ITPR1: variants seen among roughly 807,000 people sequenced by gnomAD.
ITPR1 encodes the protein inositol 1,4,5-trisphosphate receptor type 1, also known as inositol 1,4,5-trisphosphate-gated calcium channel ITPR1.
ITPR1 carries 96 observed loss-of-function variants against 318.4 expected under a neutral mutation model. The observed-to-expected ratio is 0.30, with a 90% CI of 0.26 to 0.36. ITPR1 has a LOEUF of 0.36. Ranked by LOEUF, ITPR1 falls within the 10% of genes least tolerant of loss-of-function variation. The pLI is 1.00. For missense variants in ITPR1, 2,440 were observed against 3,460.2 expected, an observed-to-expected ratio of 0.71 and a Z score of 7.40; for synonymous variants, 1,312 against 1,289.9, an observed-to-expected ratio of 1.02 and a Z score of -0.37.
At chr3:4,533,590 G>A (rs1326856968) in intron 4 of ITPR1, among the ~76,000 whole-genome samples, 1 of 152,224 alleles carries the variant, frequency 6.6e-6, no homozygotes, top group Admixed American at 6.5e-5. Context: ...ACATCTCTTA[G>A]GAAGCTCAAA....
At chr3:4,571,337 C>G (rs2087962830) in intron 4 of ITPR1, among the ~76,000 whole-genome samples, 2 of 151,928 alleles carry the variant, frequency 1.3e-5, no homozygotes, top group Admixed American at 6.6e-5. Flanking sequence ...CTCTTCTCTT[C>G]CCTTTTTTTC....
At chr3:4,740,133 T>A (rs1408019780) in intron 44 of ITPR1, among the ~76,000 whole-genome samples, 1 of 152,032 alleles carries the variant, frequency 6.6e-6, no homozygotes, top group East Asian at 1.9e-4. Context: ...GGAGGGTACA[T>A]GTATAAAAAG....
intron 18 of ITPR1, among the ~76,000 whole-genome samples, chr3:4,668,260 CT>C (rs2093994307): frequency 6.6e-6 from 1 of 150,470 alleles, no homozygotes; most frequent in African/African-American, 2.4e-5. Flanking sequence ...CACCTCCCCC[CT>C]GCCCTCCCAC....
intron 60 of ITPR1, among the ~76,000 whole-genome samples, chr3:4,823,552 G>A (rs1027294130): frequency 1.3e-5 from 2 of 152,050 alleles, no homozygotes; most frequent in African/African-American, 2.4e-5. Flanking sequence ...AATAAGCCAA[G>A]CACAAAAAGA....
chr3:4,502,854 G>A (rs546063224), intron 2 of ITPR1, among the ~76,000 whole-genome samples: 2 of 152,072 alleles, frequency 1.3e-5, no homozygotes, highest in African/African-American at 4.8e-5. Flanking sequence ...TGCCAAGGTG[G>A]GTGGGTCACC....
chr3:4,520,435 C>G (rs1307784709), intron 3 of ITPR1, among the ~76,000 whole-genome samples: 1 of 152,112 alleles, frequency 6.6e-6, no homozygotes, highest in African/African-American at 2.4e-5. Context: ...TGGTTCTTTC[C>G]ACCTGGAAAC....
intron 60 of ITPR1, among the ~76,000 whole-genome samples, chr3:4,828,543 G>A (rs2050230892): frequency 6.6e-6 from 1 of 152,102 alleles, no homozygotes; most frequent in Admixed American, 6.5e-5. Flanking sequence ...GGCAGCCTAG[G>A]TGCCCAGGAC....
intron 18 of ITPR1, among the ~76,000 whole-genome samples, chr3:4,668,631 C>G (rs950306802): frequency 6.6e-6 from 1 of 152,130 alleles, no homozygotes; most frequent in East Asian, 1.9e-4. Flanking sequence ...CCACACCCAG[C>G]TAATTTTTGT....
intron 4 of ITPR1, among the ~76,000 whole-genome samples, chr3:4,590,542 T>C (rs1438712735): frequency 1.3e-5 from 2 of 149,462 alleles, no homozygotes; most frequent in Non-Finnish European, 3.0e-5. Flanking sequence ...TAATAATTTT[T>C]TAATTATAAT....
chr3:4,687,573 A>G (rs546192057), intron 30 of ITPR1, among the ~76,000 whole-genome samples: 2 of 152,318 alleles, frequency 1.3e-5, no homozygotes, highest in South Asian at 4.1e-4. Flanking sequence ...ACTTAGGAAG[A>G]CTATTGTGGG....
intron 44 of ITPR1, among the ~76,000 whole-genome samples, chr3:4,763,163 G>A (rs539947467): frequency 6.6e-6 from 1 of 152,248 alleles, no homozygotes; most frequent in African/African-American, 2.4e-5. Flanking sequence ...AGAACACATG[G>A]ACACAGGGAG....
At chr3:4,567,236 A>G (rs1173247404) in intron 4 of ITPR1, among the ~76,000 whole-genome samples, 3 of 152,138 alleles carry the variant, frequency 2.0e-5, no homozygotes, top group African/African-American at 7.2e-5. Context: ...GGACAATTTC[A>G]TACTTTGTTG....
intron 4 of ITPR1, among the ~76,000 whole-genome samples, chr3:4,574,790 T>C (rs2088446327): frequency 6.6e-6 from 1 of 152,254 alleles, no homozygotes; most frequent in Non-Finnish European, 1.5e-5. Context: ...CAATTTTGCC[T>C]GTTCCCACCG....
At chr3:4,557,055 T>C (rs1055931561) in intron 4 of ITPR1, among the ~76,000 whole-genome samples, 1 of 152,152 alleles carries the variant, frequency 6.6e-6, no homozygotes, top group African/African-American at 2.4e-5. Context: ...ACCAATTTAG[T>C]GATTGACAAT....
chr3:4,532,218 T>C (rs1278349811), intron 4 of ITPR1, among the ~76,000 whole-genome samples: 5 of 152,182 alleles, frequency 3.3e-5, no homozygotes, highest in African/African-American at 4.8e-5. Flanking sequence ...GGAACTAAAA[T>C]GTTTGTGGAA....
chr3:4,702,515 C>T (rs1409442977), intron 35 of ITPR1, among the ~76,000 whole-genome samples: 1 of 152,228 alleles, frequency 6.6e-6, no homozygotes, highest in African/African-American at 2.4e-5. Flanking sequence ...TGCTTGGTAA[C>T]TGGATAAGAA....
At chr3:4,712,957 C>G (rs2041493140) in intron 39 of ITPR1, among the ~76,000 whole-genome samples, 1 of 152,124 alleles carries the variant, frequency 6.6e-6, no homozygotes, top group African/African-American at 2.4e-5. Flanking sequence ...GCAGAGAAAA[C>G]CTGCCAGACA....
intron 58 of ITPR1, 64 bp from the exon 59 acceptor site, chr3:4,814,989 C>T: frequency 1.4e-6 from 2 of 1,396,198 alleles, no homozygotes; most frequent in South Asian, 1.4e-5. Flanking sequence ...GAGCTGTGCC[C>T]CAGGCTCCGC....
At chr3:4,620,788 T>C (rs189416896) in intron 4 of ITPR1, among the ~76,000 whole-genome samples, 2 of 151,494 alleles carry the variant, frequency 1.3e-5, no homozygotes, top group East Asian at 3.9e-4. Flanking sequence ...TCAGCCTGAA[T>C]TAAATTATTT....
Sources: allele counts gnomAD v4.1 joint callset (sites outside exome capture counted in the v4.1 genomes callset), GRCh38; gene constraint gnomAD v4.1.1; transcripts MANE v1.5; gene names NCBI Gene and HGNC (gene_info 2026-07-23, HGNC 2026-07-21).